The following USP28 variants were observed in gnomAD, a reference collection of about 807,000 sequenced individuals.
USP28 encodes ubiquitin specific peptidase 28.
Under a neutral mutation model 145.0 loss-of-function variants are expected in USP28, and 113 were observed. That is an observed-to-expected ratio of 0.78 (90% CI 0.67 to 0.91). The LOEUF (loss-of-function observed/expected upper bound fraction) is 0.91. Among genes scored for constraint, USP28 ranks in the 40% least tolerant of loss-of-function variants. USP28 has a pLI of 0.00. For synonymous variants in USP28, 447 were observed against 450.9 expected (o/e 0.99, Z 0.11); for missense variants, 1,201 against 1,289.6 (o/e 0.93, Z 1.05).
intron 11 of USP28, among the ~76,000 whole-genome samples, chr11:113,826,338 T>A (rs1003973428): frequency 1.3e-3 from 8 of 5,974 alleles, no homozygotes; most frequent in African/African-American, 2.5e-3. Context: ...ACCACACCCA[T>A]TTTTTTTTTT....
At chr11:113,817,747 T>C in exon 13 of USP28, 3 of 1,614,232 alleles carry the variant, frequency 1.9e-6, no homozygotes, top group Non-Finnish European at 1.7e-6. Flanking sequence ...GACAGCTTTC[T>C]GAGGCAGGTT....
At chr11:113,801,776 C>T (rs895016638) in intron 23 of USP28, 98 bp from the exon 25 acceptor site, 5 of 976,166 alleles carry the variant, frequency 5.1e-6, no homozygotes, top group East Asian at 2.6e-5. Context: ...CTTTACTGCA[C>T]ATTGGATGTA....
intron 24 of USP28, among the ~76,000 whole-genome samples, chr11:113,801,181 TGGCAC>T (rs1380162491): frequency 2.0e-5 from 3 of 152,198 alleles, no homozygotes; most frequent in African/African-American, 7.2e-5. Flanking sequence ...GTTCATCTTT[TGGCAC>T]ATGAGAGAGT....
intron 12 of USP28, 95 bp downstream of exon 12, chr11:113,823,510 A>T: frequency 1.0e-6 from 1 of 970,484 alleles, no homozygotes; most frequent in African/African-American, 1.7e-5. Context: ...TATTCTAGTT[A>T]ATATTTAAAC....
At chr11:113,865,402 A>G (rs925210905) in intron 1 of USP28, among the ~76,000 whole-genome samples, 1 of 152,364 alleles carries the variant, frequency 6.6e-6, no homozygotes. Flanking sequence ...CATTGAAAAG[A>G]AGAACAAAGT....
At position 113,865,910 on chromosome 11, in the gene USP28, T is replaced by C. The variant is rs191690314; in HGVS notation, c.57+9535A>G. Among the ~76,000 whole-genome samples, 747 of 152,334 alleles carry C rather than the reference T, an allele frequency of 4.9e-3. 3 individuals carry two copies. The highest frequency in any genetic ancestry group is 0.014 in the Middle Eastern group (4 of 294). On this transcript the variant is annotated intron_variant, in intron 1 of 24. Transcript: ENST00000003302. Reference sequence around the variant, plus strand: ...GGGACACTGAAGTGGGCTGATGTACTTTTCTGCATCAAAGGGCATTATCAA... The same window carrying C: ...GGGACACTGAAGTGGGCTGATGTACCTTTCTGCATCAAAGGGCATTATCAA...
At chr11:113,806,838 A>T (rs1416486981) in intron 18 of USP28, among the ~76,000 whole-genome samples, 3 of 152,214 alleles carry the variant, frequency 2.0e-5, no homozygotes, top group African/African-American at 4.8e-5. Context: ...TAGGATAAAG[A>T]AAGATGTATG....
intron 12 of USP28, among the ~76,000 whole-genome samples, chr11:113,822,670 A>G (rs1490739839): frequency 6.6e-6 from 1 of 152,220 alleles, no homozygotes; most frequent in Non-Finnish European, 1.5e-5. Context: ...AAGTATCACT[A>G]AAACTTAAAG....
At chr11:113,861,198 G>A (rs1341901364) in intron 1 of USP28, among the ~76,000 whole-genome samples, 1 of 151,322 alleles carries the variant, frequency 6.6e-6, no homozygotes, top group Non-Finnish European at 1.5e-5. Flanking sequence ...ATAAAACAAG[G>A]AATGGCCCTC....
intron 1 of USP28, 55 bp from the exon 2 acceptor site, chr11:113,854,390 G>A: frequency 1.3e-6 from 2 of 1,522,254 alleles, no homozygotes; most frequent in South Asian, 2.3e-5. Flanking sequence ...GTAAACCTGG[G>A]TACATTTAAA....
intron 1 of USP28, among the ~76,000 whole-genome samples, chr11:113,871,887 G>C (rs1231799013): frequency 6.6e-6 from 1 of 152,194 alleles, no homozygotes; most frequent in Non-Finnish European, 1.5e-5. Context: ...CATCAACTAT[G>C]AGATAGGACC....
chr11:113,870,483 C>T (rs76611107), intron 1 of USP28, among the ~76,000 whole-genome samples: 2,016 of 152,366 alleles, frequency 0.013, 53 homozygotes, highest in African/African-American at 0.046. Flanking sequence ...GCTATAATCA[C>T]ATCGCTGCAC....
At chr11:113,843,033 C>A (rs1319254034) in intron 3 of USP28, among the ~76,000 whole-genome samples, 6 of 151,874 alleles carry the variant, frequency 4.0e-5, no homozygotes, top group Admixed American at 3.3e-4. Flanking sequence ...GAGTTTGAGA[C>A]CAACCTGGCC....
At chr11:113,847,758 T>C (rs1946036854) in intron 3 of USP28, among the ~76,000 whole-genome samples, 3 of 152,320 alleles carry the variant, frequency 2.0e-5, no homozygotes, top group African/African-American at 4.8e-5. Context: ...TTTCTAGGTA[T>C]ATACACAAAA....
chr11:113,813,772 T>G, intron 15 of USP28, 113 bp downstream of exon 15: 1 of 801,842 alleles, frequency 1.2e-6, no homozygotes, highest in Non-Finnish European at 2.0e-6. Context: ...CTTAAGTTTA[T>G]TCTTTTATCT....
intron 11 of USP28, among the ~76,000 whole-genome samples, chr11:113,824,378 C>T (rs888257326): frequency 3.9e-5 from 6 of 152,064 alleles, no homozygotes; most frequent in South Asian, 2.1e-4. Flanking sequence ...AGTGCAACGG[C>T]GCAATCTCGG....
chr11:113,829,939 G>C (rs1430138748), intron 9 of USP28, among the ~76,000 whole-genome samples: 1 of 151,742 alleles, frequency 6.6e-6, no homozygotes, highest in African/African-American at 2.4e-5. Context: ...GCTAAGTCTA[G>C]TCAAATCTCT....
intron 13 of USP28, among the ~76,000 whole-genome samples, chr11:113,816,925 A>G (rs550466299): frequency 1.9e-4 from 29 of 152,210 alleles, no homozygotes; most frequent in Non-Finnish European, 3.5e-4. Flanking sequence ...TTCTATCCAA[A>G]TAAGCATTTC....
At chr11:113,816,313 G>A (rs1455006649) in intron 13 of USP28, among the ~76,000 whole-genome samples, 3 of 152,026 alleles carry the variant, frequency 2.0e-5, no homozygotes, top group South Asian at 4.2e-4. Context: ...TCAAGAGATC[G>A]AGACCACCCT....
Sources: allele counts gnomAD v4.1 joint callset (sites outside exome capture counted in the v4.1 genomes callset), GRCh38; gene constraint gnomAD v4.1.1; transcripts MANE v1.5; gene names NCBI Gene and HGNC (gene_info 2026-07-23, HGNC 2026-07-21).